LINGO2: variants seen among roughly 807,000 people sequenced by gnomAD.
LINGO2 encodes leucine-rich repeat and immunoglobulin-like domain-containing nogo receptor-interacting protein 2.
LINGO2 carries 14 observed loss-of-function variants against 30.6 expected under a neutral mutation model. The ratio of observed to expected loss-of-function variants is 0.46; its 90% CI spans 0.30 to 0.72. LINGO2 has a LOEUF of 0.72. Ranked by LOEUF, LINGO2 falls within the 30% of genes least tolerant of loss-of-function variation. LINGO2 has a pLI of 0.07. For missense variants in LINGO2, 729 were observed against 751.7 expected, an observed-to-expected ratio of 0.97 and a Z score of 0.35; for synonymous variants, 317 against 288.5, an observed-to-expected ratio of 1.10 and a Z score of -1.00.
chr9:28,841,845 C>A, the LINGO2 span, among the ~76,000 whole-genome samples: 2 of 151,768 alleles, frequency 1.3e-5, no homozygotes, highest in South Asian at 4.1e-4. Flanking sequence ...TTTGCTGAGT[C>A]CACAACCTAG....
At chr9:28,587,550 C>T (rs1824621425) in intron 1 of LINGO2, among the ~76,000 whole-genome samples, 1 of 151,866 alleles carries the variant, frequency 6.6e-6, no homozygotes, top group Non-Finnish European at 1.5e-5. Context: ...GGCTACCTGA[C>T]TGTAGGACAC....
intron 2 of LINGO2, among the ~76,000 whole-genome samples, chr9:28,393,999 T>C (rs111917102): frequency 0.036 from 1,009 of 28,270 alleles, 8 homozygotes; most frequent in African/African-American, 0.076. Context: ...TACTAACCTC[T>C]TTTTTTTTTC....
At chr9:28,054,140 G>C (rs149833836) in intron 4 of LINGO2, among the ~76,000 whole-genome samples, 6 of 152,172 alleles carry the variant, frequency 3.9e-5, no homozygotes, top group African/African-American at 1.4e-4. Flanking sequence ...TGTTGAGACT[G>C]AAGTTATTGG....
chr9:28,412,467 G>C (rs10968573), intron 2 of LINGO2, among the ~76,000 whole-genome samples: 24,390 of 152,000 alleles, frequency 0.16, 2,620 homozygotes, highest in African/African-American at 0.3. Context: ...AAATTGAAAA[G>C]GGAGACGTAA....
chr9:29,032,631 C>G, the LINGO2 span, among the ~76,000 whole-genome samples: 1 of 152,134 alleles, frequency 6.6e-6, no homozygotes, highest in East Asian at 1.9e-4. Context: ...CTGTTGTGTA[C>G]TCAGTTACAT....
At chr9:28,358,344 A>G (rs1340604817) in intron 3 of LINGO2, among the ~76,000 whole-genome samples, 1 of 152,166 alleles carries the variant, frequency 6.6e-6, no homozygotes, top group East Asian at 1.9e-4. Context: ...TCCAGGATTC[A>G]CCTCAGCCAC....
the LINGO2 span, among the ~76,000 whole-genome samples, chr9:29,072,984 C>T: frequency 6.6e-6 from 1 of 150,870 alleles, no homozygotes; most frequent in Non-Finnish European, 1.5e-5. Flanking sequence ...CTCCCTCTCT[C>T]CTCCTATCTC....
intron 4 of LINGO2, among the ~76,000 whole-genome samples, chr9:28,099,612 T>C (rs1294690605): frequency 6.6e-6 from 1 of 152,196 alleles, no homozygotes; most frequent in Non-Finnish European, 1.5e-5. Flanking sequence ...ACAATACTGT[T>C]CTGTCACCTC....
At chr9:28,239,329 T>A (rs1821693851) in intron 4 of LINGO2, among the ~76,000 whole-genome samples, 1 of 151,730 alleles carries the variant, frequency 6.6e-6, no homozygotes, top group African/African-American at 2.4e-5. Flanking sequence ...CAAAGATACA[T>A]CAAAAAAAGA....
chr9:28,424,447 G>A (rs923268981), intron 2 of LINGO2, among the ~76,000 whole-genome samples: 3 of 151,994 alleles, frequency 2.0e-5, no homozygotes, highest in African/African-American at 7.2e-5. Context: ...TGGTCGCTTG[G>A]AATCAGTCAG....
the LINGO2 span, among the ~76,000 whole-genome samples, chr9:29,093,205 T>C: frequency 2.3e-5 from 3 of 133,320 alleles, 1 homozygote; most frequent in Admixed American, 7.9e-5. Context: ...TATAGCACAA[T>C]TATTCCCTGT....
intron 4 of LINGO2, among the ~76,000 whole-genome samples, chr9:28,082,095 T>C (rs1825788265): frequency 1.3e-5 from 2 of 152,188 alleles, no homozygotes; most frequent in African/African-American, 4.8e-5. Context: ...CTCTCAACTT[T>C]GTTTCGTTGA....
the LINGO2 span, among the ~76,000 whole-genome samples, chr9:28,814,456 T>A: frequency 6.6e-6 from 1 of 152,040 alleles, no homozygotes; most frequent in Admixed American, 6.6e-5. Flanking sequence ...ATAAAAAAAA[T>A]AAGACTTCTG....
chr9:28,433,111 A>G (rs995497516), intron 2 of LINGO2, among the ~76,000 whole-genome samples: 1 of 152,166 alleles, frequency 6.6e-6, no homozygotes, highest in Admixed American at 6.6e-5. Context: ...CTCTCTTAAA[A>G]AGCAGTGGAT....
the LINGO2 span, among the ~76,000 whole-genome samples, chr9:28,788,472 G>A: frequency 6.6e-5 from 10 of 152,136 alleles, no homozygotes; most frequent in African/African-American, 2.4e-4. Context: ...GAAAAGGTAG[G>A]CATTAAAGCT....
chr9:28,587,714 G>A (rs1381448976), intron 1 of LINGO2, among the ~76,000 whole-genome samples: 1 of 151,794 alleles, frequency 6.6e-6, no homozygotes, highest in East Asian at 2.0e-4. Flanking sequence ...GGCCAGGAGA[G>A]GGAATCTTAG....
the LINGO2 span, among the ~76,000 whole-genome samples, chr9:29,173,695 G>C: frequency 6.6e-6 from 1 of 152,036 alleles, no homozygotes; most frequent in Non-Finnish European, 1.5e-5. Context: ...AAGAAATTAA[G>C]TGTCATGAAG....
chr9:28,547,881 G>A (rs1822034449), intron 1 of LINGO2, among the ~76,000 whole-genome samples: 1 of 152,070 alleles, frequency 6.6e-6, no homozygotes. Flanking sequence ...GAAGAGCATA[G>A]GTAAGTTTCT....
chr9:28,074,216 A>T (rs1200962471), intron 4 of LINGO2, among the ~76,000 whole-genome samples: 2 of 152,206 alleles, frequency 1.3e-5, no homozygotes, highest in Non-Finnish European at 2.9e-5. Flanking sequence ...TGTAAGACCA[A>T]CCTTGACTTC....
Sources: gnomAD v4.1 joint callset for allele counts (sites outside exome capture counted in the v4.1 genomes callset) on GRCh38, gnomAD v4.1.1 for gene constraint, MANE v1.5 for transcripts, NCBI Gene and HGNC (gene_info 2026-07-23, HGNC 2026-07-21) for gene names.